Variants in ST7 observed in about 807,000 individuals in gnomAD.
ST7 encodes the protein suppressor of tumorigenicity 7 protein.
ST7 carries 28 observed loss-of-function variants against 78.7 expected under a neutral mutation model. That is an observed-to-expected ratio of 0.36 (90% confidence interval 0.26 to 0.49). The LOEUF is 0.49. Among genes scored for constraint, ST7 ranks in the 20% least tolerant of loss-of-function variants. The pLI, the probability that ST7 is intolerant of heterozygous loss-of-function variation, is 0.99. For synonymous variants in ST7, 247 were observed against 249.6 expected (o/e 0.99, Z 0.10); for missense variants, 418 against 696.0 (o/e 0.60, Z 4.49).
intron 1 of ST7, among the ~76,000 whole-genome samples, chr7:117,086,826 G>A (rs1432705688): frequency 6.6e-6 from 1 of 152,182 alleles, no homozygotes; most frequent in Non-Finnish European, 1.5e-5. Flanking sequence ...GTACTTTCTG[G>A]AAAAATAACT....
chr7:117,190,953 C>T lies in ST7; in HGVS notation c.1254+17C>T. 2 of 1,572,984 alleles carry T rather than the reference C, an allele frequency of 1.3e-6. No homozygotes were observed. Among genetic ancestry groups the T allele is most frequent in the Non-Finnish European group, 1.8e-6 (2 of 1,142,686 alleles). On this transcript the variant is annotated intron_variant, in intron 12 of 15. Transcript: ENST00000323984. This position sits in a 1 kb window ranked among gnomAD's most constrained non-coding sequence, Gnocchi z 5.2. ...GTGCCAAAAGTGAGTCTGTGGAATCCCCACAGGAACTCGTTATGATAGCAG... is the reference window on the plus strand; with the variant it reads ...GTGCCAAAAGTGAGTCTGTGGAATCTCCACAGGAACTCGTTATGATAGCAG...
chr7:116,990,492 G>C (rs1562996585), intron 1 of ST7, among the ~76,000 whole-genome samples: 1 of 151,908 alleles, frequency 6.6e-6, no homozygotes, highest in Non-Finnish European at 1.5e-5. Context: ...TGTTATAATG[G>C]TCCAGGTTGT....
chr7:116,979,765 T>G (rs534633601), intron 1 of ST7, among the ~76,000 whole-genome samples: 118 of 152,230 alleles, frequency 7.8e-4, no homozygotes, highest in Non-Finnish European at 1.5e-3. Context: ...GTCTTTCTAT[T>G]GCCTAGCAAA....
At chr7:117,083,633 G>A (rs1157396505) in intron 1 of ST7, among the ~76,000 whole-genome samples, 3 of 151,718 alleles carry the variant, frequency 2.0e-5, no homozygotes, top group Non-Finnish European at 4.4e-5. Flanking sequence ...ATCTATTAGG[G>A]GATTAAAGCT....
chr7:117,045,574 A>G (rs779538529), intron 1 of ST7, among the ~76,000 whole-genome samples: 8 of 152,134 alleles, frequency 5.3e-5, no homozygotes, highest in Non-Finnish European at 1.0e-4. Context: ...CTCGTACCCT[A>G]TTTAATTTTC....
intron 1 of ST7, among the ~76,000 whole-genome samples, chr7:116,969,145 T>C (rs1394982060): frequency 6.6e-6 from 1 of 152,222 alleles, no homozygotes; most frequent in Non-Finnish European, 1.5e-5. Flanking sequence ...TTTCAGACTT[T>C]CCTTGTTTTT....
chr7:117,197,232 T>C (rs1267039700), intron 12 of ST7, among the ~76,000 whole-genome samples: 1 of 152,174 alleles, frequency 6.6e-6, no homozygotes, highest in African/African-American at 2.4e-5. Flanking sequence ...AGACGAAGTC[T>C]CTGTTGCCCA....
intron 2 of ST7, among the ~76,000 whole-genome samples, chr7:117,103,162 A>C (rs929900873): frequency 6.6e-6 from 1 of 152,182 alleles, no homozygotes; most frequent in Non-Finnish European, 1.5e-5. Context: ...TCTGTGAATA[A>C]ATTTTATAAT....
At chr7:117,155,310 G>C (rs910187359) in intron 9 of ST7, among the ~76,000 whole-genome samples, 4 of 152,196 alleles carry the variant, frequency 2.6e-5, no homozygotes, top group African/African-American at 9.7e-5. Flanking sequence ...AATTTGAAAA[G>C]GCAGGGAGCA....
intron 1 of ST7, among the ~76,000 whole-genome samples, chr7:117,007,484 C>T (rs1000243209): frequency 3.9e-5 from 6 of 152,136 alleles, no homozygotes; most frequent in Non-Finnish European, 5.9e-5. Flanking sequence ...TGAAAGAAGC[C>T]ATCTGCATAA....
Position 117,119,652 on chromosome 7 carries a change from A to G in ST7, c.326A>G (p.Asp109Gly). Residue 109 changes from aspartate (D) to glycine (G), a missense_variant, in exon 3 of 16, where the codon GAC becomes GGC. By Grantham distance (94) the Asp-to-Gly change is moderately conservative. Transcript: ENST00000323984. ...SHLRPLLGGVDNNSSNNSNSS... is the reference protein window; with the variant it reads ...SHLRPLLGGVGNNSSNNSNSS... ...TTGCGCCCCCTTCTGGGAGGGGTTG[A>G]CAACAACTCTTCCAACAATTCTAAT... The G allele has an allele frequency of 6.2e-7, 1 of 1,613,988 alleles. No individual in the cohort carries two copies. The highest frequency in any genetic ancestry group is 8.5e-7 in the Non-Finnish European group (1 of 1,180,004).
chr7:117,112,647 T>C (rs1356819597), intron 2 of ST7: 11 of 152,128 alleles, frequency 7.2e-5, no homozygotes, highest in African/African-American at 2.4e-4. Context: ...GCCATATGGA[T>C]CACCCAAAAT....
At chr7:117,152,836 CATTTT>C (rs966750532) in intron 9 of ST7, among the ~76,000 whole-genome samples, 4 of 152,266 alleles carry the variant, frequency 2.6e-5, no homozygotes, top group African/African-American at 7.2e-5. Context: ...AGTCAAAGGT[CATTTT>C]ATGCTGCTGC....
chr7:117,199,900 C>T (rs1044379929), intron 12 of ST7, among the ~76,000 whole-genome samples: 3 of 152,214 alleles, frequency 2.0e-5, no homozygotes, highest in Non-Finnish European at 4.4e-5. Context: ...TACAAACATT[C>T]TCCAAGTGTG....
At chr7:116,989,602 G>A (rs540444868) in intron 1 of ST7, among the ~76,000 whole-genome samples, 2 of 152,128 alleles carry the variant, frequency 1.3e-5, no homozygotes, top group South Asian at 4.2e-4. Context: ...ACTTTGGGAG[G>A]CTGAGGTGGG....
In ST7 at chr7:116,953,711, C is replaced by T. The variant is rs746076144; in HGVS notation, c.151+20C>T. ...GCACAGGTAAGGCCTGGGAGCCGGG[C>T]CCGCGGCGCCCACCCCTCCCCCGCC... On this transcript the variant is annotated intron_variant, in intron 1 of 15. Transcript: ENST00000323984. 33 of 1,420,966 alleles carry T rather than the reference C, an allele frequency of 2.3e-5. No homozygotes were observed. In the Admixed American group the frequency reaches 4.1e-4, roughly 18 times the overall value. 88.0% of individuals were successfully genotyped at this position (1,420,966 alleles called of 1,614,324 possible).
intron 1 of ST7, among the ~76,000 whole-genome samples, chr7:117,009,686 T>C (rs1795310127): frequency 6.6e-6 from 1 of 152,226 alleles, no homozygotes; most frequent in Non-Finnish European, 1.5e-5. Context: ...TTGCTATATT[T>C]TTTTTTAATT....
chr7:117,147,991 G>A (rs12671521), intron 9 of ST7, among the ~76,000 whole-genome samples: 18,368 of 152,064 alleles, frequency 0.12, 2,021 homozygotes, highest in African/African-American at 0.29. Context: ...TGTGTTTGAA[G>A]GGAATATAAT....
intron 1 of ST7, among the ~76,000 whole-genome samples, chr7:116,970,580 T>C (rs951230966): frequency 6.6e-6 from 1 of 152,100 alleles, no homozygotes; most frequent in Non-Finnish European, 1.5e-5. Context: ...ACTAATCTCA[T>C]TTACAGAGCA....
Sources: gnomAD v4.1 joint callset for allele counts (sites outside exome capture counted in the v4.1 genomes callset) on GRCh38, gnomAD v4.1.1 for gene constraint, Gnocchi (gnomAD v3.1) non-coding constraint, MANE v1.5 for transcripts, NCBI Gene and HGNC (gene_info 2026-07-23, HGNC 2026-07-21) for gene names.